CCNJL: variants seen among roughly 807,000 people sequenced by gnomAD.
The protein encoded by CCNJL is cyclin J like.
In CCNJL, 33 loss-of-function variants were observed where a neutral mutation model predicts 33.4. That is an observed-to-expected ratio of 0.99 (90% CI 0.75 to 1.32). CCNJL has a LOEUF of 1.32. Among genes scored for constraint, CCNJL ranks in the 40% most tolerant of loss-of-function variants. The pLI is 0.00. For synonymous variants in CCNJL, 227 were observed against 220.9 expected (o/e 1.03, Z -0.24); for missense variants, 512 against 499.7 (o/e 1.02, Z -0.23).
chr5:160,314,641 C>T (rs1763357452), upstream of CCNJL, among the ~76,000 whole-genome samples: 1 of 152,144 alleles, frequency 6.6e-6, no homozygotes, highest in African/African-American at 2.4e-5. Flanking sequence ...GCCAAAAAGG[C>T]AAACGACAAA....
At chr5:160,277,516 T>C (rs766957451) in intron 3 of CCNJL, among the ~76,000 whole-genome samples, 9 of 152,174 alleles carry the variant, frequency 5.9e-5, no homozygotes, top group Non-Finnish European at 1.3e-4. Context: ...CTCTATACTA[T>C]ATTTATGGTA....
intron 1 of CCNJL, among the ~76,000 whole-genome samples, chr5:160,338,668 T>C (rs538482291): frequency 6.6e-6 from 1 of 152,344 alleles, no homozygotes; most frequent in East Asian, 1.9e-4. Flanking sequence ...ATTATAATCT[T>C]GGCCCATGAG....
intron 3 of CCNJL, among the ~76,000 whole-genome samples, chr5:160,277,626 C>T (rs78381866): frequency 0.01 from 1,546 of 152,244 alleles, 27 homozygotes; most frequent in African/African-American, 0.035. Flanking sequence ...GAAATGCTCT[C>T]GCTTCTTCTG....
intron 1 of CCNJL, among the ~76,000 whole-genome samples, chr5:160,337,431 G>A (rs1490977870): frequency 4.6e-5 from 7 of 151,984 alleles, no homozygotes; most frequent in East Asian, 1.9e-4. Context: ...AGACTTCATC[G>A]CGCATCTGCT....
chr5:160,289,510 C>T (rs543168187), intron 2 of CCNJL, among the ~76,000 whole-genome samples: 17 of 152,154 alleles, frequency 1.1e-4, no homozygotes, highest in Non-Finnish European at 1.9e-4. Context: ...CCCACTGTGA[C>T]GTGTGAGCCA....
chr5:160,278,449 A>G (rs1561787392), intron 3 of CCNJL, among the ~76,000 whole-genome samples: 1 of 152,152 alleles, frequency 6.6e-6, no homozygotes, highest in Non-Finnish European at 1.5e-5. Context: ...GTGGCCCACA[A>G]TGGCCTGGGG....
intron 3 of CCNJL, among the ~76,000 whole-genome samples, chr5:160,270,686 T>A (rs1761801135): frequency 6.6e-6 from 1 of 152,290 alleles, no homozygotes; most frequent in East Asian, 1.9e-4. Flanking sequence ...AAAAGAGAAA[T>A]GTAGTGAGAT....
intron 1 of CCNJL, among the ~76,000 whole-genome samples, chr5:160,322,984 C>T (rs1303045134): frequency 6.6e-6 from 1 of 151,010 alleles, no homozygotes; most frequent in African/African-American, 2.4e-5. Context: ...ACTGTAATCC[C>T]AGCCCTTTGG....
intron 2 of CCNJL, among the ~76,000 whole-genome samples, chr5:160,300,651 C>T (rs933957603): frequency 1.4e-4 from 22 of 152,106 alleles, no homozygotes; most frequent in African/African-American, 5.3e-4. Context: ...GACACCCCCG[C>T]TCTAGTCATT....
At chr5:160,310,943 C>T (rs749176713) in intron 2 of CCNJL, among the ~76,000 whole-genome samples, 1 of 152,188 alleles carries the variant, frequency 6.6e-6, no homozygotes, top group Non-Finnish European at 1.5e-5. Flanking sequence ...GCTTCCAGAG[C>T]TGAAATAAAT....
At position 160,250,964 on chromosome 5, in the gene CCNJL, T is replaced by C. The variant is rs529689405; in HGVS notation, c.*2414A>G. 5 of 152,170 alleles carry C rather than the reference T, an allele frequency of 3.3e-5. No individual in the cohort carries two copies. In the East Asian group the frequency reaches 7.7e-4, roughly 23 times the overall value. The allele number at this position is 152,170 out of a possible 1,614,324, so 9.4% of individuals were successfully genotyped here. ...GACAAGATGGAGGCTCAGAGAGAGG[T>C]TGGGTCAACTGCCTTCCAACAGCTG... On this transcript the variant is annotated 3_prime_UTR_variant, in exon 6 of 6. Coordinates refer to ENST00000257536, the MANE Select transcript of CCNJL (RefSeq NM_001308173.3).
intron 2 of CCNJL, among the ~76,000 whole-genome samples, chr5:160,287,696 C>T (rs1024442006): frequency 6.6e-6 from 1 of 152,244 alleles, no homozygotes; most frequent in Non-Finnish European, 1.5e-5. Context: ...ATTCCAGAAA[C>T]AAAAGAGCAG....
chr5:160,254,314 G>C (rs968653289), intron 5 of CCNJL: 1 of 670,778 alleles, frequency 1.5e-6, no homozygotes, highest in Admixed American at 2.3e-5. Context: ...TGGGGCCTAG[G>C]ATTTTTCATC....
chr5:160,320,787 TC>T lies in CCNJL; in HGVS notation n.207-5283del, dbSNP rs1231920289. The stretch of plus-strand genomic sequence containing the variant: ...CTTTTCTTTCTTTCTTTTCTTTCTT[TC>T]CTTTCTTTCTTTCTTTCTTTCTTTC... On this transcript the variant is annotated intron_variant and non_coding_transcript_variant, in intron 1 of 7. Coordinates refer to the CCNJL transcript ENST00000377503. Among the ~76,000 whole-genome samples, 233 of 135,840 alleles carry T rather than the reference TC, an allele frequency of 1.7e-3. 2 individuals carry two copies. The highest frequency in any genetic ancestry group is 7.1e-3 in the African/African-American group (208 of 29,336). 89.1% of individuals were successfully genotyped at this position (135,840 alleles called of 152,430 possible). A position where few individuals can be genotyped will look rare whatever the true frequency, so the allele number is the denominator to read the frequency against.
chr5:160,287,530 A>AC (rs1301304818), intron 2 of CCNJL, among the ~76,000 whole-genome samples: 1 of 152,212 alleles, frequency 6.6e-6, no homozygotes, highest in Non-Finnish European at 1.5e-5. Context: ...CTAGCTGATC[A>AC]CTTCGCTAAC....
rs1438887872 is a variant in CCNJL, at chr5:160,283,000, TATATATATAC to T, written c.67-2272_67-2263del. ...ATATATATATATATATATATATATA[TATATATATAC>T]ATATATATATATATATACCTAAGAG... On this transcript the variant is annotated intron_variant, in intron 2 of 5. Transcript: ENST00000257536. 2.9e-3 allele frequency among the ~76,000 whole-genome samples: 164 copies of T among 56,480 alleles called. 3 individuals are homozygous for T. The highest frequency in any genetic ancestry group is 0.012 in the Middle Eastern group (1 of 86). 37.1% of individuals were successfully genotyped at this position (56,480 alleles called of 152,430 possible).
At chr5:160,276,855 C>T (rs538372749) in intron 3 of CCNJL, among the ~76,000 whole-genome samples, 1 of 152,236 alleles carries the variant, frequency 6.6e-6, no homozygotes, top group East Asian at 1.9e-4. Context: ...ATGATCTCAG[C>T]TCACTGTAAC....
chr5:160,288,109 T>C (rs1300907497), intron 2 of CCNJL, among the ~76,000 whole-genome samples: 2 of 152,030 alleles, frequency 1.3e-5, no homozygotes, highest in Non-Finnish European at 2.9e-5. Flanking sequence ...ATCACAGTCC[T>C]TTATTATTAT....
chr5:160,339,455 G>A (rs1207459224), exon 1 of CCNJL: 1 of 451,114 alleles, frequency 2.2e-6, no homozygotes, highest in African/African-American at 2.0e-5. Context: ...TCCTCCAAGT[G>A]TTTGTAATAT....
Sources: gnomAD v4.1 joint callset for allele counts (sites outside exome capture counted in the v4.1 genomes callset) on GRCh38, gnomAD v4.1.1 for gene constraint, MANE v1.5 for transcripts, NCBI Gene and HGNC (gene_info 2026-07-23, HGNC 2026-07-21) for gene names.